SLC39A11: variants seen among roughly 807,000 people sequenced by gnomAD.
SLC39A11 encodes solute carrier family 39 member 11.
Under a neutral mutation model 36.1 loss-of-function variants are expected in SLC39A11, and 33 were observed. The observed-to-expected ratio is 0.91, with a 90% CI of 0.69 to 1.22. The LOEUF (loss-of-function observed/expected upper bound fraction) is 1.22, where lower values mean the gene tolerates loss of function less well. Ranked by LOEUF, SLC39A11 falls within the 50% of genes most tolerant of loss-of-function variation. The pLI is 0.00. For missense variants in SLC39A11, 432 were observed against 430.3 expected (o/e 1.00, Z -0.03); for synonymous variants, 166 against 170.3 (o/e 0.97, Z 0.20).
At chr17:73,064,885 G>C (rs939568429) in intron 3 of SLC39A11, among the ~76,000 whole-genome samples, 5 of 152,118 alleles carry the variant, frequency 3.3e-5, no homozygotes, top group Admixed American at 2.6e-4. Context: ...CTTGGCAGAG[G>C]GGGGATAGGG....
intron 6 of SLC39A11, among the ~76,000 whole-genome samples, chr17:72,800,060 A>G (rs2145209218): frequency 6.6e-6 from 1 of 152,118 alleles, no homozygotes; most frequent in East Asian, 1.9e-4. Context: ...CAGCCGGCCG[A>G]CACTTATGGA....
chr17:72,740,445 T>G (rs1055105395), intron 6 of SLC39A11, among the ~76,000 whole-genome samples: 3 of 152,118 alleles, frequency 2.0e-5, no homozygotes, highest in African/African-American at 7.2e-5. Flanking sequence ...AGACCGTACG[T>G]TTATGTTGTC....
intron 6 of SLC39A11, among the ~76,000 whole-genome samples, chr17:72,827,541 A>G (rs1008417768): frequency 1.3e-5 from 2 of 152,232 alleles, no homozygotes; most frequent in Non-Finnish European, 2.9e-5. Context: ...AAAAGAAAAG[A>G]ATATGTGAGC....
At chr17:72,876,746 A>G (rs941533734) in intron 5 of SLC39A11, among the ~76,000 whole-genome samples, 3 of 152,118 alleles carry the variant, frequency 2.0e-5, no homozygotes, top group Admixed American at 2.0e-4. Context: ...CCTGCTATAT[A>G]AACCCCCTAA....
At chr17:72,813,553 T>G (rs769719188) in intron 6 of SLC39A11, among the ~76,000 whole-genome samples, 1 of 152,220 alleles carries the variant, frequency 6.6e-6, no homozygotes, top group East Asian at 1.9e-4. Flanking sequence ...ACTAGTTCTA[T>G]CCTCCTCTAT....
Position 73,031,595 on chromosome 17 carries a change from C to T in SLC39A11, c.267G>A (p.Ala89=), listed in dbSNP as rs771535234. Residue 89 remains alanine (A), a synonymous_variant, in exon 4 of 10, where the codon GCG becomes GCA. Coordinates refer to ENST00000255559, the MANE Select transcript of SLC39A11 (RefSeq NM_139177.4). ...FPVAVGFTLG[A]AFVYLADLLM... ...GGAGGTCAGCCAAGTAGACAAAAGC[C>T]GCTCCAAGGGTGAAGCCAACAGCCA... 68 of 1,614,014 alleles carry T rather than the reference C, an allele frequency of 4.2e-5. No homozygotes were observed. Among genetic ancestry groups the T allele is most frequent in the Admixed American group, 6.7e-5 (4 of 59,986 alleles).
chr17:72,650,995 C>T (rs560441268), intron 7 of SLC39A11, among the ~76,000 whole-genome samples: 55 of 152,056 alleles, frequency 3.6e-4, no homozygotes, highest in African/African-American at 1.3e-3. Flanking sequence ...GGCCTTTACC[C>T]TGTTTTTTTT....
At chr17:73,074,771 T>TA (rs1267665839) in intron 3 of SLC39A11, among the ~76,000 whole-genome samples, 4 of 152,294 alleles carry the variant, frequency 2.6e-5, no homozygotes, top group East Asian at 3.9e-4. Context: ...AAAGCAGACT[T>TA]AGCCAAAACC....
At chr17:72,966,771 A>G (rs957973036) in intron 4 of SLC39A11, among the ~76,000 whole-genome samples, 2 of 152,024 alleles carry the variant, frequency 1.3e-5, no homozygotes, top group African/African-American at 4.8e-5. Flanking sequence ...GGGTTTCCCC[A>G]TGTTAGCCAG....
At chr17:73,040,333 T>C (rs540040126) in intron 3 of SLC39A11, among the ~76,000 whole-genome samples, 1 of 152,202 alleles carries the variant, frequency 6.6e-6, no homozygotes, top group Non-Finnish European at 1.5e-5. Flanking sequence ...AAACAAAACA[T>C]ACAGATGTTA....
intron 4 of SLC39A11, among the ~76,000 whole-genome samples, chr17:72,971,987 T>C (rs1183686069): frequency 2.0e-5 from 3 of 152,184 alleles, no homozygotes; most frequent in Admixed American, 1.3e-4. Flanking sequence ...ACACCTGGCA[T>C]GTAATAAGCC....
chr17:73,034,177 T>C (rs2058830054), intron 3 of SLC39A11, among the ~76,000 whole-genome samples: 1 of 152,112 alleles, frequency 6.6e-6, no homozygotes, highest in African/African-American at 2.4e-5. Context: ...CATGGTAAAC[T>C]CCCCATCGAA....
At chr17:72,844,298 G>A (rs2078955037) in intron 6 of SLC39A11, among the ~76,000 whole-genome samples, 1 of 152,188 alleles carries the variant, frequency 6.6e-6, no homozygotes, top group Admixed American at 6.5e-5. Context: ...ATGAGCCACA[G>A]TGGGTCTTTG....
chr17:73,010,104 G>A (rs2090430018), intron 4 of SLC39A11, among the ~76,000 whole-genome samples: 1 of 152,068 alleles, frequency 6.6e-6, no homozygotes, highest in South Asian at 2.1e-4. Context: ...GTGGTTCTCT[G>A]ACTAGAGGGA....
At chr17:73,042,639 A>G (rs1376635926) in intron 3 of SLC39A11, among the ~76,000 whole-genome samples, 1 of 152,140 alleles carries the variant, frequency 6.6e-6, no homozygotes, top group Non-Finnish European at 1.5e-5. Context: ...CATCTCTACT[A>G]AAAATACAAA....
At chr17:72,845,690 G>GT (rs1179399023) in intron 6 of SLC39A11, among the ~76,000 whole-genome samples, 1 of 152,158 alleles carries the variant, frequency 6.6e-6, no homozygotes, top group African/African-American at 2.4e-5. Flanking sequence ...ATCTTGGTCT[G>GT]TTTTAGTACT....
At chr17:72,729,409 A>C (rs1344554313) in intron 7 of SLC39A11, among the ~76,000 whole-genome samples, 1 of 2,400 alleles carries the variant, frequency 4.2e-4, no homozygotes, top group East Asian at 0.011. Flanking sequence ...GGCTATTTAT[A>C]TATATATATA....
chr17:72,734,158 C>T (rs1174074345), intron 7 of SLC39A11, among the ~76,000 whole-genome samples: 2 of 152,124 alleles, frequency 1.3e-5, no homozygotes, highest in African/African-American at 4.8e-5. Context: ...GTAGTGTGAA[C>T]TAAAGGCAGA....
chr17:72,675,961 G>C (rs2144232745), intron 7 of SLC39A11, among the ~76,000 whole-genome samples: 1 of 152,102 alleles, frequency 6.6e-6, no homozygotes, highest in African/African-American at 2.4e-5. Context: ...TGACAGGTGT[G>C]AGCCACTGTG....
Sources: allele counts gnomAD v4.1 joint callset (sites outside exome capture counted in the v4.1 genomes callset), GRCh38; gene constraint gnomAD v4.1.1; transcripts MANE v1.5; gene names NCBI Gene and HGNC (gene_info 2026-07-23, HGNC 2026-07-21).